Variants in ATP11A observed in about 807,000 individuals in gnomAD.
ATP11A encodes the protein ATPase phospholipid transporting 11A.
Under a neutral mutation model 154.4 loss-of-function variants are expected in ATP11A, and 81 were observed. The ratio of observed to expected loss-of-function variants is 0.52; its 90% confidence interval spans 0.44 to 0.63. The LOEUF is 0.63. ATP11A is among the 30% of genes least tolerant of loss of function. The pLI is 0.00. For synonymous variants in ATP11A, 623 were observed against 585.9 expected (o/e 1.06, Z -0.91); for missense variants, 1,316 against 1,474.3 (o/e 0.89, Z 1.76).
chr13:112,770,884 A>G (rs1007217621), intron 1 of ATP11A, among the ~76,000 whole-genome samples: 4 of 152,208 alleles, frequency 2.6e-5, no homozygotes, highest in African/African-American at 9.6e-5. Flanking sequence ...CTATACACGG[A>G]CGGCAGAACA....
intron 1 of ATP11A, among the ~76,000 whole-genome samples, chr13:112,768,975 T>A (rs1393726625): frequency 6.6e-6 from 1 of 152,170 alleles, no homozygotes; most frequent in Non-Finnish European, 1.5e-5. Context: ...GGCTGCACTG[T>A]GACGTTAGTA....
chr13:112,719,576 T>G (rs1255971217), intron 1 of ATP11A, among the ~76,000 whole-genome samples: 1 of 152,204 alleles, frequency 6.6e-6, no homozygotes, highest in Non-Finnish European at 1.5e-5. Flanking sequence ...GAGCTCCCAC[T>G]GGGCAATGGC....
At chr13:112,763,316 C>T (rs1404130479) in intron 1 of ATP11A, among the ~76,000 whole-genome samples, 2 of 152,102 alleles carry the variant, frequency 1.3e-5, no homozygotes, top group Non-Finnish European at 2.9e-5. Flanking sequence ...CTCGGACAGG[C>T]CTCATCCCAC....
At position 112,854,503 on chromosome 13, in the gene ATP11A, G is replaced by A. The variant is rs2079865733; in HGVS notation, c.2216G>A (p.Gly739Glu). 5 of 1,611,270 alleles carry A rather than the reference G, an allele frequency of 3.1e-6. No homozygotes were observed. Among genetic ancestry groups the A allele is most frequent in the Non-Finnish European group, 4.2e-6 (5 of 1,179,978 alleles). Residue 739 changes from glycine to glutamate, a missense_variant, in exon 19 of 30, where the codon GGG becomes GAG. By Grantham distance (98) the Gly-to-Glu change is moderately conservative. Around this residue, in one of 5 missense-constraint regions of ATP11A, gnomAD observed 876 missense variants for 1,006.8 expected, o/e 0.87. Transcript: ENST00000375645. ...AGCAAGACGGTCCTGCGCCACAGCG[G>A]GAGCCTGACCAGAGACAACCTGTCC... ...ELSKTVLRHS[G>E]SLTRDNLSGL...
rs1362240041 is a variant in ATP11A, at chr13:112,825,306, C to T, written c.873-124C>T. On this transcript the variant is annotated intron_variant, in intron 10 of 29. Transcript: ENST00000375645. The stretch of plus-strand genomic sequence containing the variant: ...AGGACCCACCGTGGTGCGTTGAGGG[C>T]GAACACATCACTGTGCCCTTCCTAT... 21 of 1,116,632 alleles carry T rather than the reference C, an allele frequency of 1.9e-5. No individual in the cohort carries two copies. In the South Asian group the frequency reaches 2.8e-4, roughly 15 times the overall value. 69.2% of individuals were successfully genotyped at this position (1,116,632 alleles called of 1,614,324 possible).
At chr13:112,871,344 C>G (rs1476730017) in intron 25 of ATP11A, among the ~76,000 whole-genome samples, 1 of 152,130 alleles carries the variant, frequency 6.6e-6, no homozygotes, top group Non-Finnish European at 1.5e-5. Flanking sequence ...TGCGTGTACC[C>G]GAGTTTGCAT....
At chr13:112,825,800 G>A (rs2078918740) in intron 11 of ATP11A, among the ~76,000 whole-genome samples, 1 of 152,228 alleles carries the variant, frequency 6.6e-6, no homozygotes. Flanking sequence ...TTCCCACAGT[G>A]AAATCATCAG....
rs567268588 is a variant in ATP11A at position 112,819,685 on chromosome 13, G to A, written c.675-215G>A. Among the ~76,000 whole-genome samples, 21 of 152,320 alleles carry A rather than the reference G, an allele frequency of 1.4e-4. No homozygotes were observed. In the East Asian group the frequency reaches 3.9e-3, roughly 28 times the overall value. ...AAGTTTTCTTTATTTTACGGAAGAC[G>A]TTTGTAAACTGTGGGTTAAGGAAAA... On this transcript the variant is annotated intron_variant, in intron 7 of 29. Coordinates refer to ENST00000375645, the MANE Select transcript of ATP11A (RefSeq NM_015205.3).
intron 4 of ATP11A, among the ~76,000 whole-genome samples, chr13:112,808,229 G>A (rs548145266): frequency 1.3e-5 from 2 of 152,132 alleles, no homozygotes; most frequent in South Asian, 2.1e-4. Context: ...GCCTGGCTAT[G>A]TCCCCTCCCT....
chr13:112,792,818 G>C (rs368571354), intron 2 of ATP11A, among the ~76,000 whole-genome samples: 1 of 152,154 alleles, frequency 6.6e-6, no homozygotes, highest in African/African-American at 2.4e-5. Context: ...TCCTTTTCCA[G>C]ATTTGTACTT....
intron 2 of ATP11A, among the ~76,000 whole-genome samples, chr13:112,803,193 A>G (rs1374507922): frequency 1.3e-5 from 2 of 152,242 alleles, no homozygotes; most frequent in Admixed American, 6.5e-5. Flanking sequence ...GCCACTGGAA[A>G]CTTGAGGCAG....
intron 2 of ATP11A, among the ~76,000 whole-genome samples, chr13:112,789,294 C>T (rs2077762110): frequency 6.6e-6 from 1 of 151,422 alleles, no homozygotes; most frequent in African/African-American, 2.4e-5. Context: ...TTAATCCACA[C>T]CAGGTGTCCT....
intron 1 of ATP11A, among the ~76,000 whole-genome samples, chr13:112,749,426 A>G (rs2076637690): frequency 6.6e-6 from 1 of 152,276 alleles, no homozygotes; most frequent in African/African-American, 2.4e-5. Flanking sequence ...TCTCAAAAAT[A>G]TTCCCAGCAT....
intron 18 of ATP11A, among the ~76,000 whole-genome samples, chr13:112,853,111 T>G (rs1474126266): frequency 6.6e-6 from 1 of 152,050 alleles, no homozygotes; most frequent in African/African-American, 2.4e-5. Context: ...TCCTAGCTAC[T>G]TGGGAGGCTG....
chr13:112,801,918 G>A (rs2078144391), intron 2 of ATP11A, among the ~76,000 whole-genome samples: 1 of 152,148 alleles, frequency 6.6e-6, no homozygotes, highest in Non-Finnish European at 1.5e-5. Flanking sequence ...AACTGATTCT[G>A]CATTTATATG....
In ATP11A at chr13:112,881,561, A is replaced by G. The variant is rs1443034002; in HGVS notation, c.*10-315A>G. Reference sequence around the variant, plus strand: ...GGGTTCTTCCCTGGGATGGTGGGACAGGGGGACGGTCACTCTGTTGGTACT... The same window carrying G: ...GGGTTCTTCCCTGGGATGGTGGGACGGGGGGACGGTCACTCTGTTGGTACT... On this transcript the variant is annotated intron_variant, in intron 29 of 29. Transcript: ENST00000375645. The G allele has an allele frequency of 1.1e-5, 13 of 1,151,780 alleles. No homozygotes were observed. The East Asian group carries it at 5.2e-4, about 46-fold the overall frequency. The allele number at this position is 1,151,780 out of a possible 1,614,324, so 71.3% of individuals were successfully genotyped here. A position where few individuals can be genotyped will look rare whatever the true frequency, so the allele number is the denominator to read the frequency against.
intron 6 of ATP11A, among the ~76,000 whole-genome samples, chr13:112,816,722 A>T (rs2078657563): frequency 6.6e-6 from 1 of 152,086 alleles, no homozygotes. Context: ...TTTTTGACCT[A>T]CACCTCCCCA....
chr13:112,852,917 G>A (rs991335314), intron 18 of ATP11A, among the ~76,000 whole-genome samples: 7 of 152,036 alleles, frequency 4.6e-5, no homozygotes, highest in South Asian at 2.1e-4. Context: ...GGCCAGGCCC[G>A]GTGGAGCACG....
intron 1 of ATP11A, among the ~76,000 whole-genome samples, chr13:112,751,751 A>T (rs2076698333): frequency 7.1e-6 from 1 of 141,070 alleles, no homozygotes; most frequent in Non-Finnish European, 1.5e-5. Context: ...TTTTTTTGAG[A>T]CAGGGTCTTA....
Sources: allele counts gnomAD v4.1 joint callset (sites outside exome capture counted in the v4.1 genomes callset), GRCh38; gene constraint gnomAD v4.1.1; regional missense constraint gnomAD v4.1.1; transcripts MANE v1.5; gene names NCBI Gene and HGNC (gene_info 2026-07-23, HGNC 2026-07-21).